CCT3: variants seen among roughly 807,000 people sequenced by gnomAD.
CCT3 encodes the protein T-complex protein 1 subunit gamma.
A neutral mutation model predicts 65.3 loss-of-function variants in CCT3; 10 were observed. The observed-to-expected ratio is 0.15, with a 90% CI of 0.09 to 0.26. CCT3 has a LOEUF of 0.26. Among genes scored for constraint, CCT3 ranks in the 10% least tolerant of loss-of-function variants. CCT3 has a pLI of 1.00. For synonymous variants in CCT3, 225 were observed against 242.3 expected, an observed-to-expected ratio of 0.93 and a Z score of 0.66; for missense variants, 626 against 708.7, an observed-to-expected ratio of 0.88 and a Z score of 1.33.
At position 156,309,308 on chromosome 1, in the gene CCT3, G is replaced by A. The variant is rs2101623964; in HGVS notation, c.1534-5C>T. 6.2e-7 allele frequency: 1 copy of A among 1,602,808 alleles called. No individual in the cohort carries two copies. Among genetic ancestry groups the A allele is most frequent in the Non-Finnish European group, 8.5e-7 (1 of 1,169,758 alleles). On this transcript the variant is annotated splice_region_variant and splice_polypyrimidine_tract_variant and intron_variant, in intron 13 of 13. Transcript: ENST00000295688. ...TCGCAGTAGCAGAACTGCCGTCTAG[G>A]AGAAAAACCACAGATGCAAAGAGGT...
chr1:156,310,265 G>A (rs1015214958), intron 13 of CCT3, among the ~76,000 whole-genome samples: 7 of 151,372 alleles, frequency 4.6e-5, no homozygotes, highest in Non-Finnish European at 1.0e-4. Flanking sequence ...GGCCAAGGTG[G>A]GTAGATCATC....
In CCT3 at chr1:156,313,918, T is replaced by C. The variant is rs146859670; in HGVS notation, c.975-1697A>G. 4.6e-3 allele frequency among the ~76,000 whole-genome samples: 695 copies of C among 152,086 alleles called. 7 individuals are homozygous for C. The highest frequency in any genetic ancestry group is 0.015 in the African/African-American group (639 of 41,486). On this transcript the variant is annotated intron_variant, in intron 10 of 13. Coordinates refer to ENST00000295688, the MANE Select transcript of CCT3 (RefSeq NM_005998.5). ...TCCTGGCCAACATGGTGAAAACCCGTCTTTCCTAAAAATACAAAAATTAGC... is the reference window on the plus strand; with the variant it reads ...TCCTGGCCAACATGGTGAAAACCCGCCTTTCCTAAAAATACAAAAATTAGC...
At position 156,309,322 on chromosome 1, in the gene CCT3, A is replaced by T; in HGVS notation, c.1534-19T>A. On this transcript the variant is annotated intron_variant, in intron 13 of 13. Transcript: ENST00000295688. ...CTGCCGTCTAGGAGAAAAACCACAG[A>T]TGCAAAGAGGTCAGCAGAGAAGGAA... 7 of 1,530,306 alleles carry T rather than the reference A, an allele frequency of 4.6e-6. No individual in the cohort carries two copies. The highest frequency in any genetic ancestry group is 6.3e-6 in the Non-Finnish European group (7 of 1,103,678). 94.8% of individuals were successfully genotyped at this position (1,530,306 alleles called of 1,614,324 possible).
chr1:156,326,300 G>C (rs887116056), intron 5 of CCT3, among the ~76,000 whole-genome samples: 4 of 152,064 alleles, frequency 2.6e-5, no homozygotes, highest in African/African-American at 9.7e-5. Flanking sequence ...TTGCACTCCA[G>C]CCTGGGCAAT....
At chr1:156,335,204 T>C in intron 2 of CCT3, 2 of 357,628 alleles carry the variant, frequency 5.6e-6, no homozygotes, top group Middle Eastern at 8.4e-4. Flanking sequence ...CCCTAAAGCA[T>C]GGTTAGCCAT....
At chr1:156,335,020 G>C (rs546411741) in intron 2 of CCT3, 102 bp from the exon 3 acceptor site, 11 of 909,766 alleles carry the variant, frequency 1.2e-5, no homozygotes, top group Non-Finnish European at 1.7e-5. Context: ...CACAGAGTCA[G>C]TGTTTTATTT....
chr1:156,315,840 A>AGT (rs1491180050), intron 10 of CCT3, among the ~76,000 whole-genome samples: 1 of 152,190 alleles, frequency 6.6e-6, no homozygotes, highest in East Asian at 1.9e-4. Flanking sequence ...CATATCTAAC[A>AGT]TGTACATATT....
chr1:156,328,307 T>TG (rs1664948803), intron 5 of CCT3, among the ~76,000 whole-genome samples: 1 of 151,214 alleles, frequency 6.6e-6, no homozygotes, highest in African/African-American at 2.4e-5. Flanking sequence ...CTGCCCCTAC[T>TG]GGGAAGTGAG....
intron 11 of CCT3, among the ~76,000 whole-genome samples, chr1:156,311,674 T>G (rs1664089464): frequency 6.6e-6 from 1 of 152,174 alleles, no homozygotes; most frequent in Non-Finnish European, 1.5e-5. Flanking sequence ...ATTTATAACT[T>G]CAACGTAAAA....
intron 5 of CCT3, among the ~76,000 whole-genome samples, chr1:156,327,196 T>C (rs936458919): frequency 1.3e-5 from 2 of 152,244 alleles, no homozygotes; most frequent in Admixed American, 6.5e-5. Flanking sequence ...CAAAAGCCTT[T>C]TGCACAAATT....
Position 156,333,551 on chromosome 1 carries a change from A to G in CCT3, c.300T>C (p.Ile100=), listed in dbSNP as rs1226841536. The G allele has an allele frequency of 6.2e-7, 1 of 1,612,494 alleles. No homozygotes were observed. Among genetic ancestry groups the G allele is most frequent in the East Asian group, 2.2e-5 (1 of 44,864 alleles). ...EVGDGTTSVI[I]LAGEMLSVAE... is the part of the protein sequence containing the mutation. ...AACCTCTTATTCTCCTCTTACCAAG[A>G]ATAATTACTGATGTGGTCCCATCTC... The change falls in exon 5 of 14, where the codon ATT becomes ATC. Residue 100 remains isoleucine (I), a synonymous_variant. Transcript: ENST00000295688.
At position 156,333,587 on chromosome 1, in the gene CCT3, A is replaced by C; in HGVS notation, c.264T>G (p.Asp88Glu). 2 of 1,614,030 alleles carry C rather than the reference A, an allele frequency of 1.2e-6. No homozygotes were observed. Among genetic ancestry groups the C allele is most frequent in the Non-Finnish European group, 1.7e-6 (2 of 1,179,922 alleles). Reference sequence around the variant, plus strand: ...ATGTGGTCCCATCTCCAACCTCTTCATCCTGGGTCCGGCTAATTTCGATCA... The same window carrying C: ...ATGTGGTCCCATCTCCAACCTCTTCCTCCTGGGTCCGGCTAATTTCGATCA... ...KSMIEISRTQ[D>E]EEVGDGTTSV... The change falls in exon 5 of 14, where the codon GAT becomes GAG. Residue 88 changes from aspartate (D) to glutamate (E), a missense_variant. Transcript: ENST00000295688.
chr1:156,336,087 T>A lies in CCT3; in HGVS notation c.32-199A>T, dbSNP rs117457792. 209 of 451,512 alleles carry A rather than the reference T, an allele frequency of 4.6e-4. 1 individual carries two copies. The East Asian group carries it at 6.8e-3, about 15-fold the overall frequency. 28.0% of individuals were successfully genotyped at this position (451,512 alleles called of 1,614,324 possible). A position where few individuals can be genotyped will look rare whatever the true frequency, so the allele number is the denominator to read the frequency against. On this transcript the variant is annotated intron_variant, in intron 1 of 13. Transcript: ENST00000295688. ...TCAAAAAACTGTAAACATATGTCCT[T>A]ATGGCTGTTAACTTCCTTCTGTATT...
rs985568029 is a variant in CCT3 at position 156,320,947 on chromosome 1, C to T, written c.501G>A (p.Arg167=). The change falls in exon 7 of 14, where the codon CGG becomes CGA. Residue 167 remains arginine (R), a synonymous_variant. Coordinates refer to ENST00000295688, the MANE Select transcript of CCT3 (RefSeq NM_005998.5). ...NSSITTKAIS[R]WSSLACNIAL... is the part of the protein sequence containing the mutation. The stretch of plus-strand genomic sequence containing the variant: ...CAATGTTGCAAGCCAAAGATGACCA[C>T]CGACTGATGGCTTTGGTAGTAATAG... 6.2e-6 allele frequency: 10 copies of T among 1,614,002 alleles called. No homozygotes were observed. Among genetic ancestry groups the T allele is most frequent in the South Asian group, 3.3e-5 (3 of 91,068 alleles).
chr1:156,325,119 T>G, intron 5 of CCT3, 30 bp from the exon 6 acceptor site: 1 of 1,467,362 alleles, frequency 6.8e-7, no homozygotes. Flanking sequence ...CATAGTAATA[T>G]TTAAAGCATC....
Position 156,311,138 on chromosome 1 carries a change from G to T in CCT3, c.1213C>A (p.Pro405Thr). Residue 405 changes from proline to threonine, a missense_variant, in exon 12 of 14, where the codon CCT becomes ACT. By Grantham distance (38) the Pro-to-Thr change is conservative. Coordinates refer to ENST00000295688, the MANE Select transcript of CCT3 (RefSeq NM_005998.5). ...MQVCRNVLLD[P>T]QLVPGGGASE... The stretch of plus-strand genomic sequence containing the variant: ...GCCCCACCCCCTGGCACCAGCTGAG[G>T]GTCCAGGAGAACATTGCGACACACT... 6.2e-7 allele frequency: 1 copy of T among 1,614,062 alleles called. No homozygotes were observed. Among genetic ancestry groups the T allele is most frequent in the Non-Finnish European group, 8.5e-7 (1 of 1,179,988 alleles).
At chr1:156,315,230 C>T (rs536208455) in intron 10 of CCT3, among the ~76,000 whole-genome samples, 147 of 152,096 alleles carry the variant, frequency 9.7e-4, no homozygotes, top group African/African-American at 3.1e-3. Flanking sequence ...TTTTTGGAGA[C>T]GGACTTTCAC....
At chr1:156,326,692 A>G (rs897211505) in intron 5 of CCT3, among the ~76,000 whole-genome samples, 2 of 151,530 alleles carry the variant, frequency 1.3e-5, no homozygotes, top group Non-Finnish European at 2.9e-5. Context: ...AAGAAAATGT[A>G]CACAATTTAC....
chr1:156,316,713 T>C (rs572515945), intron 10 of CCT3, among the ~76,000 whole-genome samples: 2 of 152,320 alleles, frequency 1.3e-5, no homozygotes, highest in African/African-American at 4.8e-5. Context: ...GAATGGTCTA[T>C]GAGCACAGAC....
Sources: allele counts gnomAD v4.1 joint callset (sites outside exome capture counted in the v4.1 genomes callset), GRCh38; gene constraint gnomAD v4.1.1; transcripts MANE v1.5; gene names NCBI Gene and HGNC (gene_info 2026-07-23, HGNC 2026-07-21).